Variants in ARHGAP10 observed in about 807,000 individuals in gnomAD.
ARHGAP10 encodes the protein Rho GTPase activating protein 10.
Under a neutral mutation model 108.6 loss-of-function variants are expected in ARHGAP10, and 87 were observed. The observed-to-expected ratio is 0.80, with a 90% confidence interval of 0.67 to 0.96. The LOEUF (loss-of-function observed/expected upper bound fraction) is 0.96, where lower values mean the gene tolerates loss of function less well. Among genes scored for constraint, ARHGAP10 ranks in the 40% least tolerant of loss-of-function variants. The pLI, the probability that ARHGAP10 is intolerant of heterozygous loss-of-function variation, is 0.00. For missense variants in ARHGAP10, 939 were observed against 954.5 expected (o/e 0.98, Z 0.21); for synonymous variants, 347 against 341.1 (o/e 1.02, Z -0.19).
intron 3 of ARHGAP10, among the ~76,000 whole-genome samples, chr4:147,830,023 G>T (rs1732884058): frequency 6.6e-6 from 1 of 152,200 alleles, no homozygotes; most frequent in East Asian, 1.9e-4. Flanking sequence ...TCTCATCCTG[G>T]GGGTGCTGGG....
rs34560317 is a variant in ARHGAP10 at position 147,924,971 on chromosome 4, ATTT to A, written c.1228+11843_1228+11845del. On this transcript the variant is annotated intron_variant, in intron 13 of 22. Coordinates refer to ENST00000336498, the MANE Select transcript of ARHGAP10 (RefSeq NM_024605.4). Reference sequence around the variant, plus strand: ...GCTCTAGGAGATTGAAGAACTTTCTATTTTTTTTTTTTTAAAATAGCAATTTAC... The same window carrying A: ...GCTCTAGGAGATTGAAGAACTTTCTATTTTTTTTTTAAAATAGCAATTTAC... 4.6e-3 allele frequency among the ~76,000 whole-genome samples: 683 copies of A among 147,180 alleles called. 8 individuals are homozygous for A. Among genetic ancestry groups the A allele is most frequent in the Middle Eastern group, 0.021 (6 of 284 alleles).
At chr4:147,759,495 G>A (rs981792213) in intron 1 of ARHGAP10, among the ~76,000 whole-genome samples, 6 of 152,184 alleles carry the variant, frequency 3.9e-5, no homozygotes, top group Middle Eastern at 3.4e-3. Flanking sequence ...AATCCCTTTA[G>A]GGCAGGAGTT....
At chr4:147,740,154 G>A (rs1382139458) in intron 1 of ARHGAP10, among the ~76,000 whole-genome samples, 5 of 151,090 alleles carry the variant, frequency 3.3e-5, no homozygotes, top group African/African-American at 1.2e-4. Flanking sequence ...GTTCAAGCAA[G>A]TTTCCTGCCT....
intron 19 of ARHGAP10, among the ~76,000 whole-genome samples, chr4:148,027,755 C>T (rs185777155): frequency 1.0e-3 from 158 of 152,028 alleles, no homozygotes; most frequent in African/African-American, 3.8e-3. Context: ...ATAAATTAGC[C>T]GTCTTAGGTA....
rs59933316 is a variant in ARHGAP10, at chr4:147,837,643, G to GTTTTTTTTTT, written c.313-9498_313-9489dup. The stretch of plus-strand genomic sequence containing the variant: ...CACCTCGCTAGAATCTCTGGTCACT[G>GTTTTTTTTTT]TTTTTTTTTTTTTTTTTTTAAAGCA... On this transcript the variant is annotated intron_variant, in intron 3 of 22. Coordinates refer to ENST00000336498, the MANE Select transcript of ARHGAP10 (RefSeq NM_024605.4). Among the ~76,000 whole-genome samples, 230 of 70,208 alleles carry GTTTTTTTTTT rather than the reference G, an allele frequency of 3.3e-3. 9 individuals carry two copies. In the South Asian group the frequency reaches 0.05, roughly 15 times the overall value. 46.1% of individuals were successfully genotyped at this position (70,208 alleles called of 152,430 possible).
chr4:148,006,448 C>T (rs74597103), intron 18 of ARHGAP10, among the ~76,000 whole-genome samples: 260 of 152,246 alleles, frequency 1.7e-3, no homozygotes, highest in Non-Finnish European at 3.3e-3. Context: ...ACCCCAGCAG[C>T]GTCTGATCAT....
At chr4:147,864,738 A>G in intron 5 of ARHGAP10, 108 bp from the exon 6 acceptor site, 1 of 816,684 alleles carries the variant, frequency 1.2e-6, no homozygotes, top group Non-Finnish European at 2.0e-6. Flanking sequence ...TTACAAAATC[A>G]GGCAGCACAC....
intron 1 of ARHGAP10, among the ~76,000 whole-genome samples, chr4:147,752,069 G>A (rs1453858013): frequency 6.6e-6 from 1 of 151,968 alleles, no homozygotes; most frequent in Non-Finnish European, 1.5e-5. Context: ...ATTTTTAGTA[G>A]AGACAGGGTT....
At chr4:147,930,678 C>G (rs1358541088) in intron 13 of ARHGAP10, among the ~76,000 whole-genome samples, 1 of 152,068 alleles carries the variant, frequency 6.6e-6, no homozygotes, top group Non-Finnish European at 1.5e-5. Context: ...TTTTTCCTCC[C>G]TTTTATTTTG....
intron 13 of ARHGAP10, among the ~76,000 whole-genome samples, chr4:147,928,244 C>T (rs1737538601): frequency 6.6e-6 from 1 of 152,172 alleles, no homozygotes; most frequent in Non-Finnish European, 1.5e-5. Flanking sequence ...CGGGTTTAGA[C>T]CCAGAAGTGA....
At chr4:147,900,989 T>C (rs904436877) in intron 10 of ARHGAP10, among the ~76,000 whole-genome samples, 2 of 152,320 alleles carry the variant, frequency 1.3e-5, no homozygotes, top group East Asian at 3.9e-4. Flanking sequence ...TTCTGTTCTT[T>C]ACTATTCTGA....
chr4:147,844,234 A>T (rs913485023), intron 3 of ARHGAP10, among the ~76,000 whole-genome samples: 3 of 152,046 alleles, frequency 2.0e-5, no homozygotes, highest in Non-Finnish European at 4.4e-5. Flanking sequence ...ATATATATTT[A>T]TGGGGTTATA....
intron 1 of ARHGAP10, among the ~76,000 whole-genome samples, chr4:147,810,539 T>G (rs139493903): frequency 1.3e-5 from 2 of 152,222 alleles, no homozygotes; most frequent in Non-Finnish European, 2.9e-5. Flanking sequence ...TTACATCTCA[T>G]CTTTAATACA....
chr4:147,864,029 G>T (rs923727958), intron 5 of ARHGAP10: 5 of 152,166 alleles, frequency 3.3e-5, no homozygotes, highest in African/African-American at 1.2e-4. Flanking sequence ...TTGGCCTTTT[G>T]TATATCCTCT....
chr4:147,784,719 A>ATATTATAAAATATATATTATAAAT (rs1730764186), intron 1 of ARHGAP10, among the ~76,000 whole-genome samples: 2 of 46,540 alleles, frequency 4.3e-5, no homozygotes, highest in African/African-American at 1.3e-4. Context: ...TTATAAATAT[A>ATATTATAAAATATATATTATAAAT]ATATATTATA....
At position 147,866,861 on chromosome 4, in the gene ARHGAP10, ATTT is replaced by A; in HGVS notation, c.702+48_702+50del. 25 of 1,471,450 alleles carry A rather than the reference ATTT, an allele frequency of 1.7e-5. 1 individual carries two copies. Among genetic ancestry groups the A allele is most frequent in the Non-Finnish European group, 2.4e-5 (25 of 1,055,740 alleles). 91.1% of individuals were successfully genotyped at this position (1,471,450 alleles called of 1,614,324 possible). A position where few individuals can be genotyped will look rare whatever the true frequency, so the allele number is the denominator to read the frequency against. ...CTTTATAAAAAGATGTTTGAAAAGTATTTTTCATTTGTGTGTTGTATGAAAAGC... is the reference window on the plus strand; with the variant it reads ...CTTTATAAAAAGATGTTTGAAAAGTATTCATTTGTGTGTTGTATGAAAAGC... On this transcript the variant is annotated intron_variant, in intron 7 of 22. Coordinates refer to ENST00000336498, the MANE Select transcript of ARHGAP10 (RefSeq NM_024605.4).
Position 148,054,523 on chromosome 4 carries a change from T to C in ARHGAP10, c.2027+7472T>C, listed in dbSNP as rs78288637. On this transcript the variant is annotated intron_variant, in intron 20 of 22. Coordinates refer to ENST00000336498, the MANE Select transcript of ARHGAP10 (RefSeq NM_024605.4). ...GTTTAACTTGACCCCAACTTCCTGG[T>C]TCATCAGTTACATAATCTCCTCACT... Among the ~76,000 whole-genome samples, 1,422 of 152,330 alleles carry C rather than the reference T, an allele frequency of 9.3e-3. 28 individuals are homozygous for C. Among genetic ancestry groups the C allele is most frequent in the African/African-American group, 0.032 (1,321 of 41,572 alleles).
At chr4:147,739,636 G>A (rs1412699083) in intron 1 of ARHGAP10, among the ~76,000 whole-genome samples, 2 of 151,862 alleles carry the variant, frequency 1.3e-5, no homozygotes, top group African/African-American at 4.8e-5. Context: ...AGGTAATCCT[G>A]TTCTCTACAG....
intron 16 of ARHGAP10, among the ~76,000 whole-genome samples, chr4:147,957,448 C>G (rs1355679998): frequency 6.6e-6 from 1 of 152,078 alleles, no homozygotes; most frequent in Non-Finnish European, 1.5e-5. Flanking sequence ...AATTAGTCTC[C>G]CCTTTTGAAT....
Sources: gnomAD v4.1 joint callset for allele counts (sites outside exome capture counted in the v4.1 genomes callset) on GRCh38, gnomAD v4.1.1 for gene constraint, MANE v1.5 for transcripts, NCBI Gene and HGNC (gene_info 2026-07-23, HGNC 2026-07-21) for gene names.